Variants in SESTD1 observed in about 807,000 individuals in gnomAD.
SESTD1 encodes SEC14 domain and spectrin repeat-containing protein 1.
Under a neutral mutation model 101.7 loss-of-function variants are expected in SESTD1, and 43 were observed. The ratio of observed to expected loss-of-function variants is 0.42; its 90% confidence interval spans 0.33 to 0.55. SESTD1 has a LOEUF of 0.55. SESTD1 is among the 20% of genes least tolerant of loss of function. The pLI, the probability that SESTD1 is intolerant of heterozygous loss-of-function variation, is 0.07. For synonymous variants in SESTD1, 283 were observed against 286.8 expected (o/e 0.99, Z 0.13); for missense variants, 647 against 815.1 (o/e 0.79, Z 2.51).
intron 12 of SESTD1, among the ~76,000 whole-genome samples, chr2:179,123,112 C>G (rs777094099): frequency 1.3e-5 from 2 of 152,086 alleles, no homozygotes. Context: ...ATTGTCACAT[C>G]CTGACCTTTT....
chr2:179,135,544 A>C (rs912711704), intron 9 of SESTD1, among the ~76,000 whole-genome samples: 7 of 152,142 alleles, frequency 4.6e-5, no homozygotes, highest in Non-Finnish European at 7.4e-5. Context: ...GCTTGAGCTC[A>C]GGAGTTCAAG....
rs142097111 is a variant in SESTD1 at position 179,132,769 on chromosome 2, A to G, written c.850-343T>C. On this transcript the variant is annotated intron_variant, in intron 9 of 17. Coordinates refer to ENST00000428443, the MANE Select transcript of SESTD1 (RefSeq NM_178123.5). ...AATCATAAGATTTAGAGTTGGAAGA[A>G]ACATCAGAAATGATATCAGTCAAAG... Among the ~76,000 whole-genome samples, 625 of 152,362 alleles carry G rather than the reference A, an allele frequency of 4.1e-3. 7 individuals carry two copies. Among genetic ancestry groups the G allele is most frequent in the African/African-American group, 0.014 (589 of 41,590 alleles).
intron 7 of SESTD1, among the ~76,000 whole-genome samples, chr2:179,147,140 T>C (rs1037728650): frequency 2.2e-5 from 3 of 135,578 alleles, no homozygotes; most frequent in African/African-American, 3.3e-5. Flanking sequence ...TTCCTGAGGA[T>C]TGACATAAAG....
intron 8 of SESTD1, among the ~76,000 whole-genome samples, chr2:179,145,964 GATT>G (rs1210166171): frequency 6.6e-6 from 1 of 151,810 alleles, no homozygotes; most frequent in Non-Finnish European, 1.5e-5. Flanking sequence ...TTAAGAGAGA[GATT>G]ATTATTAATT....
At chr2:179,132,555 T>C (rs2045035713) in intron 9 of SESTD1, 129 bp from the exon 10 acceptor site, 8 of 1,027,552 alleles carry the variant, frequency 7.8e-6, no homozygotes, top group East Asian at 2.9e-5. Context: ...TTCTATCACA[T>C]AGGCAGTAAA....
chr2:179,186,940 A>G (rs2046241987), intron 2 of SESTD1, among the ~76,000 whole-genome samples: 1 of 152,202 alleles, frequency 6.6e-6, no homozygotes. Context: ...GAGAAACATT[A>G]TAAGCCAAAA....
Position 179,206,572 on chromosome 2 carries a change from A to G in SESTD1, c.-25-14706T>C, listed in dbSNP as rs527861042. On this transcript the variant is annotated intron_variant, in intron 1 of 17. Transcript: ENST00000428443. ...TTCACAGAGGTCCCTTAGGGAAGGT[A>G]AGGCAGCTGGTGAAATTGGGGGAAG... Among the ~76,000 whole-genome samples the G allele has an allele frequency of 7.4e-5, 10 of 135,532 alleles. 3 individuals are homozygous for G. In the South Asian group the frequency reaches 2.8e-3, roughly 38 times the overall value. 88.9% of individuals were successfully genotyped at this position (135,532 alleles called of 152,430 possible).
At chr2:179,254,254 T>A (rs1172234397) in intron 1 of SESTD1, among the ~76,000 whole-genome samples, 1 of 151,816 alleles carries the variant, frequency 6.6e-6, no homozygotes, top group Non-Finnish European at 1.5e-5. Context: ...AGAAAAAAAA[T>A]TTAGGAGCTA....
intron 1 of SESTD1, among the ~76,000 whole-genome samples, chr2:179,235,163 C>G (rs1204907792): frequency 6.6e-6 from 1 of 152,108 alleles, no homozygotes; most frequent in East Asian, 1.9e-4. Context: ...TCAATGTTAA[C>G]TTCCTGATAC....
intron 1 of SESTD1, among the ~76,000 whole-genome samples, chr2:179,222,196 G>C (rs563004775): frequency 6.6e-6 from 1 of 152,154 alleles, no homozygotes; most frequent in African/African-American, 2.4e-5. Context: ...ATGGGATTCT[G>C]TTCCAAAGAG....
intron 1 of SESTD1, among the ~76,000 whole-genome samples, chr2:179,208,056 G>T (rs2046610808): frequency 1.5e-5 from 2 of 134,036 alleles, no homozygotes; most frequent in African/African-American, 5.9e-5. Flanking sequence ...AGAAATAAAA[G>T]ACCCACTTAG....
Position 179,207,852 on chromosome 2 carries a change from C to T in SESTD1, c.-25-15986G>A, listed in dbSNP as rs1249630097. Reference sequence around the variant, plus strand: ...CCCAAAAGATCACACTAGCTCCTCTCTGGCAAAAGATCCAAACCAACAAGA... The same window carrying T: ...CCCAAAAGATCACACTAGCTCCTCTTTGGCAAAAGATCCAAACCAACAAGA... On this transcript the variant is annotated intron_variant, in intron 1 of 17. Transcript: ENST00000428443. Among the ~76,000 whole-genome samples the T allele has an allele frequency of 1.5e-5, 2 of 134,720 alleles. 1 individual carries two copies. The highest frequency in any genetic ancestry group is 5.9e-5 in the African/African-American group (2 of 33,944). 88.4% of individuals were successfully genotyped at this position (134,720 alleles called of 152,430 possible). A position where few individuals can be genotyped will look rare whatever the true frequency, so the allele number is the denominator to read the frequency against.
intron 1 of SESTD1, among the ~76,000 whole-genome samples, chr2:179,197,565 T>A (rs544494550): frequency 6.6e-6 from 1 of 152,146 alleles, no homozygotes; most frequent in Non-Finnish European, 1.5e-5. Flanking sequence ...GAGAGAAAGG[T>A]CGGGTTACCC....
At chr2:179,114,633 CTT>C (rs1232994379) in intron 16 of SESTD1, among the ~76,000 whole-genome samples, 13 of 147,318 alleles carry the variant, frequency 8.8e-5, no homozygotes, top group Non-Finnish European at 1.6e-4. Context: ...TGTCCTTATT[CTT>C]ATTTTTTTAA....
intron 1 of SESTD1, among the ~76,000 whole-genome samples, chr2:179,210,265 AG>A: frequency 7.4e-6 from 1 of 135,432 alleles, no homozygotes; most frequent in African/African-American, 2.9e-5. Context: ...CATTCAAAGA[AG>A]AATTGGTATC....
intron 1 of SESTD1, among the ~76,000 whole-genome samples, chr2:179,218,292 T>C (rs1039207837): frequency 7.5e-6 from 1 of 133,176 alleles, no homozygotes; most frequent in African/African-American, 2.8e-5. Flanking sequence ...GAAAGAAAAA[T>C]ACCTTAAAAA....
At chr2:179,120,781 T>C (rs368518893) in intron 13 of SESTD1, among the ~76,000 whole-genome samples, 1 of 152,222 alleles carries the variant, frequency 6.6e-6, no homozygotes, top group African/African-American at 2.4e-5. Context: ...GTAGTATGAA[T>C]GTACCGTAAA....
chr2:179,123,975 A>C (rs1182455230), intron 11 of SESTD1, 146 bp from the exon 12 acceptor site: 1 of 612,622 alleles, frequency 1.6e-6, no homozygotes. Flanking sequence ...AATCATTAGA[A>C]TATGCATTAT....
rs1218560092 is a variant in SESTD1 at position 179,205,477 on chromosome 2, G to A, written c.-25-13611C>T. The stretch of plus-strand genomic sequence containing the variant: ...ACTGCATTCTCCACATCTCTAAAAG[G>A]GAAAAGGAAAATGGTTTTAGTTTCT... On this transcript the variant is annotated intron_variant, in intron 1 of 17. Transcript: ENST00000428443. Among the ~76,000 whole-genome samples, 2 of 133,388 alleles carry A rather than the reference G, an allele frequency of 1.5e-5. 1 individual carries two copies. Among genetic ancestry groups the A allele is most frequent in the Non-Finnish European group, 3.2e-5 (2 of 62,216 alleles). 87.5% of individuals were successfully genotyped at this position (133,388 alleles called of 152,430 possible). A position where few individuals can be genotyped will look rare whatever the true frequency, so the allele number is the denominator to read the frequency against.
Sources: gnomAD v4.1 joint callset for allele counts (sites outside exome capture counted in the v4.1 genomes callset) on GRCh38, gnomAD v4.1.1 for gene constraint, MANE v1.5 for transcripts, NCBI Gene and HGNC (gene_info 2026-07-23, HGNC 2026-07-21) for gene names.